CCDC102B: variants seen among roughly 807,000 people sequenced by gnomAD.
CCDC102B encodes the protein coiled-coil domain containing 102B, also known as coiled-coil domain-containing protein 102B.
In CCDC102B, 75 loss-of-function variants were observed where a neutral mutation model predicts 57.4. That is an observed-to-expected ratio of 1.31 (90% CI 1.08 to 1.58). The LOEUF (loss-of-function observed/expected upper bound fraction) is 1.58. Among genes scored for constraint, CCDC102B ranks in the 40% most tolerant of loss-of-function variants. CCDC102B has a pLI of 0.00. For synonymous variants in CCDC102B, 206 were observed against 201.9 expected, an observed-to-expected ratio of 1.02 and a Z score of -0.17; for missense variants, 636 against 582.6, an observed-to-expected ratio of 1.09 and a Z score of -0.94.
intron 4 of CCDC102B, among the ~76,000 whole-genome samples, chr18:68,850,723 A>G (rs937017817): frequency 1.3e-5 from 2 of 151,870 alleles, no homozygotes; most frequent in East Asian, 3.9e-4. Flanking sequence ...CCCCCTGCCC[A>G]CGCTTACCTC....
At chr18:69,056,636 A>AATAGATAGATAGATGGATAGATAGATAG (rs1555678888), downstream of CCDC102B, among the ~76,000 whole-genome samples, 581 of 122,022 alleles carry the variant, frequency 4.8e-3, 2 homozygotes, top group East Asian at 7.8e-3. Context: ...ATAGATAGAT[A>AATAGATAGATAGATGGATAGATAGATAG]ATAGATAGAT....
At chr18:68,921,197 C>G (rs919515338) in intron 6 of CCDC102B, among the ~76,000 whole-genome samples, 61 of 152,148 alleles carry the variant, frequency 4.0e-4, no homozygotes, top group Admixed American at 2.6e-4. Flanking sequence ...TATCCCCACC[C>G]AAATCTCATC....
intron 2 of CCDC102B, among the ~76,000 whole-genome samples, chr18:68,725,484 G>C (rs1224693558): frequency 6.6e-6 from 1 of 152,190 alleles, no homozygotes; most frequent in African/African-American, 2.4e-5. Flanking sequence ...TAACGTTGCT[G>C]TTGGAATTTA....
At chr18:69,042,814 T>G (rs1305301621) in intron 7 of CCDC102B, among the ~76,000 whole-genome samples, 2 of 152,042 alleles carry the variant, frequency 1.3e-5, no homozygotes, top group Non-Finnish European at 2.9e-5. Flanking sequence ...AGCTTGAAAA[T>G]AATGTATGTG....
chr18:68,940,328 G>C (rs559580198), intron 6 of CCDC102B, among the ~76,000 whole-genome samples: 2 of 151,610 alleles, frequency 1.3e-5, no homozygotes, highest in Non-Finnish European at 3.0e-5. Flanking sequence ...TCTTGATTTC[G>C]AAATTTATTG....
At chr18:68,836,678 A>G (rs1223604852) in intron 1 of CCDC102B, 71 bp from the exon 2 acceptor site, 6 of 674,260 alleles carry the variant, frequency 8.9e-6, no homozygotes, top group Non-Finnish European at 1.3e-5. Flanking sequence ...AAAAAAAAAA[A>G]AGTGTAGGTC....
intron 3 of CCDC102B, 46 bp from the exon 4 acceptor site, chr18:68,846,267 T>A (rs2037851165): frequency 1.6e-6 from 2 of 1,278,994 alleles, no homozygotes; most frequent in Non-Finnish European, 2.1e-6. Flanking sequence ...GAAAGTATTT[T>A]AAAATTGAAG....
At chr18:69,034,375 G>A (rs1408530559) in intron 7 of CCDC102B, among the ~76,000 whole-genome samples, 2 of 151,832 alleles carry the variant, frequency 1.3e-5, no homozygotes, top group Non-Finnish European at 2.9e-5. Context: ...TCTCTTCTGA[G>A]TTACCTTTGG....
At chr18:68,899,272 A>G (rs759356438) in intron 6 of CCDC102B, among the ~76,000 whole-genome samples, 53 of 152,204 alleles carry the variant, frequency 3.5e-4, no homozygotes, top group Non-Finnish European at 6.5e-4. Context: ...ATGTCCTCAA[A>G]TGTCAAATGA....
At chr18:69,008,622 G>A (rs2051416311) in intron 6 of CCDC102B, among the ~76,000 whole-genome samples, 2 of 152,090 alleles carry the variant, frequency 1.3e-5, no homozygotes, top group African/African-American at 4.8e-5. Context: ...ATAGGCATGG[G>A]GGGCGTTCTC....
In CCDC102B at chr18:68,837,320, A is replaced by C; in HGVS notation, c.557A>C (p.Glu186Ala). 6.2e-7 allele frequency: 1 copy of C among 1,611,538 alleles called. No individual in the cohort carries two copies. The highest frequency in any genetic ancestry group is 8.5e-7 in the Non-Finnish European group (1 of 1,179,010). Residue 186 changes from glutamate to alanine, a missense_variant, in exon 2 of 8, where the codon GAG (glutamate) becomes GCG (alanine). Physicochemically the swap from Glu to Ala is moderately radical, Grantham distance 107. Transcript: ENST00000360242. The part of the protein sequence containing the change: ...LSSQMHESIR[E>A]YLVKRQFSTK... ...TCACAAATGCATGAGTCTATCAGAG[A>C]GTATTTGGTAAAAAGACAATTTTCT...
chr18:68,984,729 A>G (rs1469580), intron 6 of CCDC102B, among the ~76,000 whole-genome samples: 10,148 of 152,194 alleles, frequency 0.067, 586 homozygotes, highest in African/African-American at 0.15. Context: ...TAGAAATACC[A>G]ACACAGAGTG....
chr18:68,760,270 G>T (rs924376536), intron 2 of CCDC102B, among the ~76,000 whole-genome samples: 1 of 151,956 alleles, frequency 6.6e-6, no homozygotes, highest in Non-Finnish European at 1.5e-5. Context: ...CATAAGTAAG[G>T]TTAGTATACA....
intron 1 of CCDC102B, among the ~76,000 whole-genome samples, chr18:68,814,527 T>C (rs1181803174): frequency 6.6e-6 from 1 of 152,124 alleles, no homozygotes; most frequent in Non-Finnish European, 1.5e-5. Flanking sequence ...AGGCATTAAC[T>C]AAAATCTATC....
chr18:68,844,536 CTT>C (rs1210358474), intron 3 of CCDC102B, among the ~76,000 whole-genome samples: 1 of 151,692 alleles, frequency 6.6e-6, no homozygotes, highest in Admixed American at 6.6e-5. Context: ...AAGTTACAAA[CTT>C]AGTACAATTT....
intron 2 of CCDC102B, among the ~76,000 whole-genome samples, chr18:68,725,663 C>T (rs2032559827): frequency 6.6e-6 from 1 of 152,234 alleles, no homozygotes; most frequent in Admixed American, 6.5e-5. Context: ...CTGCAACTCT[C>T]CCTCTTCTGC....
chr18:68,832,580 G>A (rs760272016), intron 1 of CCDC102B, among the ~76,000 whole-genome samples: 2 of 151,976 alleles, frequency 1.3e-5, no homozygotes, highest in African/African-American at 2.4e-5. Context: ...AGTGATAGGT[G>A]GAAAAGAGGG....
intron 5 of CCDC102B, among the ~76,000 whole-genome samples, chr18:68,884,674 A>G (rs1048650740): frequency 6.6e-6 from 1 of 150,454 alleles, no homozygotes; most frequent in Non-Finnish European, 1.5e-5. Flanking sequence ...ACACACATAT[A>G]TATATGTATC....
At chr18:68,928,840 A>G (rs964594104) in intron 6 of CCDC102B, among the ~76,000 whole-genome samples, 1 of 151,840 alleles carries the variant, frequency 6.6e-6, no homozygotes, top group Non-Finnish European at 1.5e-5. Flanking sequence ...GAGGGGGGAC[A>G]ATGGATTATT....
Sources: allele counts gnomAD v4.1 joint callset (sites outside exome capture counted in the v4.1 genomes callset), GRCh38; gene constraint gnomAD v4.1.1; transcripts MANE v1.5; gene names NCBI Gene and HGNC (gene_info 2026-07-23, HGNC 2026-07-21).